The following NRG3 variants were observed in gnomAD, a reference collection of about 807,000 sequenced individuals.
NRG3 encodes pro-neuregulin-3, membrane-bound isoform.
NRG3 carries 31 observed loss-of-function variants against 66.9 expected under a neutral mutation model. The observed-to-expected ratio is 0.46, with a 90% CI of 0.35 to 0.63. The LOEUF is 0.63. Ranked by LOEUF, NRG3 falls within the 20% of genes least tolerant of loss-of-function variation. The pLI is 0.00. For synonymous variants in NRG3, 393 were observed against 359.4 expected (o/e 1.09, Z -1.06); for missense variants, 910 against 878.9 (o/e 1.04, Z -0.45).
At chr10:82,649,493 CAG>C (rs2051239957) in intron 2 of NRG3, among the ~76,000 whole-genome samples, 1 of 101,002 alleles carries the variant, frequency 9.9e-6, no homozygotes, top group Non-Finnish European at 1.8e-5. Flanking sequence ...TTTTCTGAGA[CAG>C]AGTCTTGCTC....
intron 1 of NRG3, among the ~76,000 whole-genome samples, chr10:81,989,682 A>G (rs1208203641): frequency 6.6e-6 from 1 of 152,190 alleles, no homozygotes; most frequent in African/African-American, 2.4e-5. Flanking sequence ...TTGAGGTCAT[A>G]GGAGCCCAGA....
At chr10:82,160,964 T>C (rs1411775389) in intron 1 of NRG3, among the ~76,000 whole-genome samples, 2 of 151,980 alleles carry the variant, frequency 1.3e-5, no homozygotes, top group South Asian at 2.1e-4. Context: ...CCTGGGGGTA[T>C]GGAAAATGTG....
chr10:82,280,568 G>GT (rs2079071630), intron 1 of NRG3, among the ~76,000 whole-genome samples: 1 of 152,142 alleles, frequency 6.6e-6, no homozygotes, highest in Non-Finnish European at 1.5e-5. Context: ...TCTCCAGAAA[G>GT]TTTTAGTCAC....
chr10:82,720,346 C>T (rs887265106), intron 2 of NRG3, among the ~76,000 whole-genome samples: 3 of 151,692 alleles, frequency 2.0e-5, no homozygotes, highest in South Asian at 2.1e-4. Flanking sequence ...GCTGAGATTG[C>T]GCCACTGCAC....
intron 1 of NRG3, among the ~76,000 whole-genome samples, chr10:81,903,822 C>G (rs1844310471): frequency 1.3e-5 from 2 of 151,946 alleles, no homozygotes; most frequent in Admixed American, 6.6e-5. Flanking sequence ...AGATGGAAAC[C>G]TAATTATTCA....
intron 1 of NRG3, among the ~76,000 whole-genome samples, chr10:82,120,026 A>G (rs1590185900): frequency 2.6e-5 from 4 of 152,296 alleles, no homozygotes; most frequent in Admixed American, 2.6e-4. Context: ...ACTTCCTAAA[A>G]TAAATGAAGA....
chr10:82,759,530 T>C (rs2059220209), intron 3 of NRG3, among the ~76,000 whole-genome samples: 2 of 152,166 alleles, frequency 1.3e-5, no homozygotes, highest in South Asian at 4.1e-4. Flanking sequence ...ACAGAAAATG[T>C]CAAATATTTT....
chr10:82,206,913 T>G (rs2075146952), intron 1 of NRG3, among the ~76,000 whole-genome samples: 1 of 152,212 alleles, frequency 6.6e-6, no homozygotes, highest in Non-Finnish European at 1.5e-5. Flanking sequence ...GAGGTTGATA[T>G]TCTTACTTCT....
chr10:82,153,310 C>T (rs1182550763), intron 1 of NRG3, among the ~76,000 whole-genome samples: 1 of 151,946 alleles, frequency 6.6e-6, no homozygotes, highest in African/African-American at 2.4e-5. Flanking sequence ...GTATTTGTCT[C>T]TGTACTTAGT....
intron 4 of NRG3, among the ~76,000 whole-genome samples, chr10:82,927,211 T>A (rs1847088314): frequency 6.6e-6 from 1 of 152,224 alleles, no homozygotes; most frequent in Non-Finnish European, 1.5e-5. Flanking sequence ...TTCCATAGCC[T>A]GACAGTCTCT....
chr10:82,709,458 T>C (rs1162999335), intron 2 of NRG3, among the ~76,000 whole-genome samples: 4 of 152,034 alleles, frequency 2.6e-5, no homozygotes, highest in African/African-American at 9.7e-5. Context: ...CTTGGCTCAC[T>C]GCAACCTCGG....
At chr10:82,035,566 A>G (rs2062758263) in intron 1 of NRG3, among the ~76,000 whole-genome samples, 1 of 152,134 alleles carries the variant, frequency 6.6e-6, no homozygotes, top group Admixed American at 6.6e-5. Flanking sequence ...TTGTGGCATT[A>G]CTATTCTTTC....
chr10:82,423,846 C>T (rs1158201813), intron 2 of NRG3, among the ~76,000 whole-genome samples: 2 of 151,986 alleles, frequency 1.3e-5, no homozygotes, highest in South Asian at 2.1e-4. Flanking sequence ...CACTAATCTA[C>T]GTATGTATTT....
chr10:82,709,780 T>C (rs2134379982), intron 2 of NRG3, among the ~76,000 whole-genome samples: 1 of 152,326 alleles, frequency 6.6e-6, no homozygotes, highest in East Asian at 1.9e-4. Context: ...CCTCTGTTTC[T>C]TGCAGGTCCT....
intron 2 of NRG3, among the ~76,000 whole-genome samples, chr10:82,643,886 GCACACACACACACACACCCACACACACA>G (rs553162118): frequency 4.1e-5 from 2 of 48,414 alleles, no homozygotes; most frequent in Admixed American, 4.8e-4. Context: ...ACACACACGC[GCACACACACACACACACCCACACACACA>G]CACACACACG....
intron 7 of NRG3, among the ~76,000 whole-genome samples, chr10:82,977,617 AG>A (rs397971417): frequency 6.6e-6 from 1 of 150,946 alleles, no homozygotes; most frequent in African/African-American, 2.4e-5. Flanking sequence ...AAAAAAAAAA[AG>A]GAATGAAAGG....
intron 1 of NRG3, among the ~76,000 whole-genome samples, chr10:81,949,415 A>G (rs1849134057): frequency 6.6e-6 from 1 of 152,110 alleles, no homozygotes; most frequent in Non-Finnish European, 1.5e-5. Flanking sequence ...TGTAAAATCT[A>G]CAGTGATGCA....
Position 81,875,624 on chromosome 10 carries a change from A to G in NRG3, c.284A>G (p.Lys95Arg), listed in dbSNP as rs143879754. The G allele has an allele frequency of 1.8e-4, 293 of 1,613,708 alleles. No homozygotes were observed. Among genetic ancestry groups the G allele is most frequent in the Non-Finnish European group, 2.3e-4 (273 of 1,179,930 alleles). The change falls in exon 1 of 9, where the codon AAG becomes AGG. Residue 95 changes from lysine (K) to arginine (R), a missense_variant. By Grantham distance (26) the Lys-to-Arg change is conservative. Coordinates refer to ENST00000372141, the MANE Select transcript of NRG3 (RefSeq NM_001010848.4). This position sits in a 1 kb window ranked among gnomAD's most constrained non-coding sequence, Gnocchi z 5.3. ...AAATGGATCGTGGTGGGCTCCGTCA[A>G]GGAGTACGTGCCCACCGACCTAGTG... ...LLKWIVVGSV[K>R]EYVPTDLVDS... is the part of the protein sequence containing the mutation.
chr10:82,595,561 G>A (rs2047222574), intron 2 of NRG3, among the ~76,000 whole-genome samples: 1 of 152,084 alleles, frequency 6.6e-6, no homozygotes, highest in Admixed American at 6.6e-5. Context: ...CGAGGCAGGT[G>A]GATCACAAGG....
Sources: allele counts gnomAD v4.1 joint callset (sites outside exome capture counted in the v4.1 genomes callset), GRCh38; gene constraint gnomAD v4.1.1; non-coding constraint Gnocchi (gnomAD v3.1); transcripts MANE v1.5; gene names NCBI Gene and HGNC (gene_info 2026-07-23, HGNC 2026-07-21).